MAML3: variants seen among roughly 807,000 people sequenced by gnomAD.
MAML3 encodes mastermind-like protein 3.
A neutral mutation model predicts 101.9 loss-of-function variants in MAML3; 27 were observed. The ratio of observed to expected loss-of-function variants is 0.27; its 90% CI spans 0.20 to 0.37. The LOEUF is 0.37. Ranked by LOEUF, MAML3 falls within the 10% of genes least tolerant of loss-of-function variation. MAML3 has a pLI of 1.00. For missense variants in MAML3, 1,316 were observed against 1,444.9 expected (o/e 0.91, Z 1.45); for synonymous variants, 501 against 555.9 (o/e 0.90, Z 1.39).
intron 2 of MAML3, among the ~76,000 whole-genome samples, chr4:139,763,654 G>C (rs751107974): frequency 6.6e-6 from 1 of 152,200 alleles, no homozygotes; most frequent in Non-Finnish European, 1.5e-5. Context: ...TTATTTGGCT[G>C]AATCCTGGAC....
intron 2 of MAML3, among the ~76,000 whole-genome samples, chr4:139,881,240 C>T (rs971221775): frequency 1.3e-5 from 2 of 152,110 alleles, no homozygotes; most frequent in South Asian, 2.1e-4. Context: ...GATGAAACCA[C>T]AGGACTCTGG....
intron 1 of MAML3, among the ~76,000 whole-genome samples, chr4:139,999,146 C>T (rs111590323): frequency 6.6e-6 from 1 of 152,118 alleles, no homozygotes; most frequent in Admixed American, 6.5e-5. Flanking sequence ...CTGCTGCATA[C>T]GTGGGCAGCC....
intron 1 of MAML3, among the ~76,000 whole-genome samples, chr4:140,139,086 A>G (rs1303637640): frequency 6.6e-6 from 1 of 152,102 alleles, no homozygotes; most frequent in East Asian, 1.9e-4. Context: ...AGCCTGGGCA[A>G]CATAGTGAGA....
At chr4:139,866,517 G>C (rs1731901985) in intron 2 of MAML3, among the ~76,000 whole-genome samples, 1 of 152,202 alleles carries the variant, frequency 6.6e-6, no homozygotes, top group African/African-American at 2.4e-5. Context: ...ATAAGCTGCT[G>C]TGTGTCCCCC....
At chr4:140,048,108 G>C (rs923312436) in intron 1 of MAML3, among the ~76,000 whole-genome samples, 2 of 152,284 alleles carry the variant, frequency 1.3e-5, no homozygotes, top group Non-Finnish European at 1.5e-5. Flanking sequence ...AAAAGCAGGT[G>C]GAGTGGGAGA....
intron 2 of MAML3, among the ~76,000 whole-genome samples, chr4:139,854,237 G>A (rs187159432): frequency 6.6e-6 from 1 of 152,032 alleles, no homozygotes; most frequent in African/African-American, 2.4e-5. Context: ...TCAGTTCAGT[G>A]CCTGGCATGT....
Position 140,153,390 on chromosome 4 carries a change from C to G in MAML3, c.-63G>C. 4 of 1,482,320 alleles carry G rather than the reference C, an allele frequency of 2.7e-6. No individual in the cohort carries two copies. The highest frequency in any genetic ancestry group is 3.6e-6 in the Non-Finnish European group (4 of 1,117,132). The allele number at this position is 1,482,320 out of a possible 1,614,324, so 91.8% of individuals were successfully genotyped here. A position where few individuals can be genotyped will look rare whatever the true frequency, so the allele number is the denominator to read the frequency against. Reference sequence around the variant, plus strand: ...TTATCCACCCCCCTATCAGCCTCCTCCTTGGGTCCAAGGATTAAAATAGTT... The same window carrying G: ...TTATCCACCCCCCTATCAGCCTCCTGCTTGGGTCCAAGGATTAAAATAGTT... On this transcript the variant is annotated 5_prime_UTR_variant, in exon 1 of 5. Coordinates refer to ENST00000509479, the MANE Select transcript of MAML3 (RefSeq NM_018717.5).
intron 2 of MAML3, among the ~76,000 whole-genome samples, chr4:139,816,323 G>A (rs533240735): frequency 1.3e-5 from 2 of 152,282 alleles, no homozygotes; most frequent in Admixed American, 1.3e-4. Flanking sequence ...TGAAAGTGCC[G>A]AGGGATAAAA....
intron 1 of MAML3, among the ~76,000 whole-genome samples, chr4:139,977,650 A>G (rs1392286364): frequency 1.3e-5 from 2 of 152,120 alleles, no homozygotes; most frequent in Non-Finnish European, 2.9e-5. Flanking sequence ...AGGCGGTTGG[A>G]TCACCTGAGG....
intron 2 of MAML3, among the ~76,000 whole-genome samples, chr4:139,743,181 C>G (rs776766581): frequency 6.6e-6 from 1 of 152,230 alleles, no homozygotes; most frequent in African/African-American, 2.4e-5. Flanking sequence ...TAAAGTTACA[C>G]GCCTCCTTTA....
At chr4:140,021,189 G>C (rs978570572) in intron 1 of MAML3, among the ~76,000 whole-genome samples, 12 of 152,158 alleles carry the variant, frequency 7.9e-5, no homozygotes, top group Non-Finnish European at 1.6e-4. Context: ...TTAGGAGAAC[G>C]GGCTCTGGAG....
In MAML3 at chr4:139,771,997, T is replaced by G. The variant is rs546133972; in HGVS notation, c.2080-41330A>C. Among the ~76,000 whole-genome samples the G allele has an allele frequency of 7.1e-4, 107 of 149,792 alleles. 1 individual carries two copies. The South Asian group carries it at 0.021, about 30-fold the overall frequency. On this transcript the variant is annotated intron_variant, in intron 2 of 4. Coordinates refer to ENST00000509479, the MANE Select transcript of MAML3 (RefSeq NM_018717.5). ...GCTCACGCCTGTAATCCCAGCACTT[T>G]GGGAGGCCGAGGTGGGCGGATCACG... is the stretch of plus-strand genomic sequence containing the variant.
In MAML3 at chr4:139,719,140, A is replaced by C; in HGVS notation, c.*183T>G. 3.2e-6 allele frequency: 2 copies of C among 626,390 alleles called. No individual in the cohort carries two copies. Among genetic ancestry groups the C allele is most frequent in the South Asian group, 2.4e-5 (1 of 42,206 alleles). 38.8% of individuals were successfully genotyped at this position (626,390 alleles called of 1,614,324 possible). A position where few individuals can be genotyped will look rare whatever the true frequency, so the allele number is the denominator to read the frequency against. On this transcript the variant is annotated 3_prime_UTR_variant, in exon 5 of 5. Transcript: ENST00000509479. Reference sequence around the variant, plus strand: ...TCATCTCGATTGCTGTGTGAAAATCAGGTGAAATGAGGCCTGGTGGGGCTG... The same window carrying C: ...TCATCTCGATTGCTGTGTGAAAATCCGGTGAAATGAGGCCTGGTGGGGCTG...
At position 140,104,402 on chromosome 4, in the gene MAML3, A is replaced by ATATATATATATTATATAT. The variant is rs1458632111; in HGVS notation, c.468+48457_468+48458insATATATAATATATATATA. Among the ~76,000 whole-genome samples the ATATATATATATTATATAT allele has an allele frequency of 6.0e-5, 5 of 83,952 alleles. 1 individual carries two copies. The highest frequency in any genetic ancestry group is 1.6e-4 in the African/African-American group (4 of 25,506). The allele number at this position is 83,952 out of a possible 152,430, so 55.1% of individuals were successfully genotyped here. A position where few individuals can be genotyped will look rare whatever the true frequency, so the allele number is the denominator to read the frequency against. The stretch of plus-strand genomic sequence containing the variant: ...ATATATATATATTATATATTATATA[A>ATATATATATATTATATAT]TATATAATATAATATATAATATACA... On this transcript the variant is annotated intron_variant, in intron 1 of 4. Transcript: ENST00000509479.
chr4:139,865,823 T>C (rs1249428056), intron 2 of MAML3, among the ~76,000 whole-genome samples: 1 of 152,252 alleles, frequency 6.6e-6, no homozygotes, highest in East Asian at 1.9e-4. Flanking sequence ...GCAAGTAGTC[T>C]GCAGAAGCAA....
Position 140,114,747 on chromosome 4 carries a change from C to T in MAML3, c.468+38113G>A, listed in dbSNP as rs573073128. Among the ~76,000 whole-genome samples, 3 of 152,332 alleles carry T rather than the reference C, an allele frequency of 2.0e-5. No homozygotes were observed. In the South Asian group the frequency reaches 6.2e-4, roughly 32 times the overall value. ...TTCATCCATACCCCAAACCCACATT[C>T]CCTTTCCATATTATAGAAAGCACAT... is the stretch of plus-strand genomic sequence containing the variant. On this transcript the variant is annotated intron_variant, in intron 1 of 4. Coordinates refer to ENST00000509479, the MANE Select transcript of MAML3 (RefSeq NM_018717.5).
Position 139,719,706 on chromosome 4 carries a change from C to A in MAML3, c.3034G>T (p.Asp1012Tyr). ...FPQGLSQSVV[D>Y]ANTGTVRTLN... ...GTCCTCACTGTGCCCGTGTTAGCAT[C>A]CACGACTGACTGGCTCAGTCCCTGT... Residue 1012 changes from aspartate (D) to tyrosine (Y), a missense_variant, in exon 5 of 5, where the codon GAT (aspartate) becomes TAT (tyrosine). Physicochemically the swap from Asp to Tyr is radical, Grantham distance 160. Transcript: ENST00000509479. 1 of 1,613,680 alleles carries A rather than the reference C, an allele frequency of 6.2e-7. No homozygotes were observed. Among genetic ancestry groups the A allele is most frequent in the Non-Finnish European group, 8.5e-7 (1 of 1,179,814 alleles).
chr4:139,801,633 G>GGGGT (rs1553957606), intron 2 of MAML3, among the ~76,000 whole-genome samples: 101 of 146,512 alleles, frequency 6.9e-4, no homozygotes, highest in African/African-American at 2.1e-3. Flanking sequence ...GCAGGAACAG[G>GGGGT]GTGTGTGTGG....
At position 139,730,648 on chromosome 4, in the gene MAML3, A is replaced by C; in HGVS notation, c.2099T>G (p.Leu700Arg). 1 of 1,612,676 alleles carries C rather than the reference A, an allele frequency of 6.2e-7. No individual in the cohort carries two copies. Among genetic ancestry groups the C allele is most frequent in the Non-Finnish European group, 8.5e-7 (1 of 1,179,232 alleles). ...SHGQEQHPVG[L>R]PRTTGPMQSS... is the part of the protein sequence containing the mutation. ...CTGCATGGGGCCTGTGGTTCGGGGA[A>C]GTCCAACTGGATGCTGCTCCTGGGA... Residue 700 changes from leucine to arginine, a missense_variant, in exon 3 of 5, where the codon CTT becomes CGT. Physicochemically the swap from Leu to Arg is moderately radical, Grantham distance 102. Coordinates refer to ENST00000509479, the MANE Select transcript of MAML3 (RefSeq NM_018717.5).
Sources: allele counts gnomAD v4.1 joint callset (sites outside exome capture counted in the v4.1 genomes callset), GRCh38; gene constraint gnomAD v4.1.1; transcripts MANE v1.5; gene names NCBI Gene and HGNC (gene_info 2026-07-23, HGNC 2026-07-21).